The following CCNY variants were observed in gnomAD, a reference collection of about 807,000 sequenced individuals.
CCNY encodes cyclin Y.
Under a neutral mutation model 42.8 loss-of-function variants are expected in CCNY, and 19 were observed. The ratio of observed to expected loss-of-function variants is 0.44; its 90% CI spans 0.31 to 0.65. CCNY has a LOEUF of 0.65. Among genes scored for constraint, CCNY ranks in the 30% least tolerant of loss-of-function variants. CCNY has a pLI of 0.07. For synonymous variants in CCNY, 165 were observed against 162.7 expected (o/e 1.01, Z -0.11); for missense variants, 370 against 437.3 (o/e 0.85, Z 1.37).
At chr10:35,487,288 T>C (rs953210847) in intron 2 of CCNY, among the ~76,000 whole-genome samples, 2 of 152,222 alleles carry the variant, frequency 1.3e-5, no homozygotes, top group African/African-American at 4.8e-5. Context: ...ATTTCTCCTC[T>C]TTCCTTCATT....
chr10:35,360,117 G>T (rs1836649451), intron 1 of CCNY, among the ~76,000 whole-genome samples: 1 of 152,158 alleles, frequency 6.6e-6, no homozygotes, highest in Admixed American at 6.5e-5. Context: ...ATTCTTTTGG[G>T]TATGTACTCA....
At chr10:35,348,417 A>G (rs950738555) in intron 1 of CCNY, among the ~76,000 whole-genome samples, 5 of 152,192 alleles carry the variant, frequency 3.3e-5, no homozygotes, top group African/African-American at 9.7e-5. Flanking sequence ...CTTCTGAGGA[A>G]GATTGTTGGT....
chr10:35,439,534 CT>C (rs946605527), intron 1 of CCNY, among the ~76,000 whole-genome samples: 7 of 150,220 alleles, frequency 4.7e-5, no homozygotes, highest in African/African-American at 9.8e-5. Context: ...CTCTCTCTCT[CT>C]TTTTTTTTGT....
upstream of CCNY, among the ~76,000 whole-genome samples, chr10:35,334,504 G>A (rs1835986546): frequency 6.6e-6 from 1 of 151,552 alleles, no homozygotes; most frequent in Non-Finnish European, 1.5e-5. Context: ...ATATGCCCCA[G>A]TTTTCCCAGG....
At chr10:35,361,239 T>C (rs926878610) in intron 1 of CCNY, among the ~76,000 whole-genome samples, 1 of 152,232 alleles carries the variant, frequency 6.6e-6, no homozygotes, top group Middle Eastern at 3.2e-3. Flanking sequence ...TATATACCTG[T>C]GGATGTATAT....
chr10:35,565,969 C>A, intron 8 of CCNY, 54 bp from the exon 9 acceptor site: 1 of 1,556,842 alleles, frequency 6.4e-7, no homozygotes, highest in Non-Finnish European at 8.7e-7. Flanking sequence ...CTTGGCAGGC[C>A]ACGTGGCCTG....
intron 3 of CCNY, among the ~76,000 whole-genome samples, chr10:35,285,834 T>A (rs1428615819): frequency 3.3e-5 from 5 of 152,170 alleles, no homozygotes; most frequent in Non-Finnish European, 7.3e-5. Context: ...TTGTTTGAGA[T>A]GGAGTTTCAC....
chr10:35,306,591 T>G (rs1383275754), intron 3 of CCNY, among the ~76,000 whole-genome samples: 1 of 152,148 alleles, frequency 6.6e-6, no homozygotes, highest in African/African-American at 2.4e-5. Context: ...GAAGCAAGCA[T>G]CATGGCAGAA....
intron 7 of CCNY, among the ~76,000 whole-genome samples, chr10:35,552,726 T>A (rs1841285280): frequency 6.6e-6 from 1 of 152,208 alleles, no homozygotes; most frequent in Admixed American, 6.5e-5. Flanking sequence ...CATTAACATG[T>A]ATGGATATCA....
intron 3 of CCNY, among the ~76,000 whole-genome samples, chr10:35,508,404 G>A (rs1436225755): frequency 1.3e-5 from 2 of 152,154 alleles, no homozygotes; most frequent in Non-Finnish European, 2.9e-5. Flanking sequence ...CCATCCTTTC[G>A]TTTTGTTTTG....
chr10:35,292,817 T>A (rs1301180623), intron 3 of CCNY, among the ~76,000 whole-genome samples: 2 of 146,242 alleles, frequency 1.4e-5, no homozygotes, highest in African/African-American at 5.1e-5. Flanking sequence ...CGAAGTCTTG[T>A]TCTTGTCTGC....
chr10:35,547,693 C>T (rs1201677332), intron 7 of CCNY, among the ~76,000 whole-genome samples: 2 of 152,188 alleles, frequency 1.3e-5, no homozygotes, highest in Non-Finnish European at 2.9e-5. Flanking sequence ...CAAGAGCCTG[C>T]CGGAGCCCTG....
intron 2 of CCNY, among the ~76,000 whole-genome samples, chr10:35,248,513 G>A (rs1263827183): frequency 1.3e-5 from 2 of 152,104 alleles, no homozygotes; most frequent in East Asian, 1.9e-4. Flanking sequence ...GGGCATGGTC[G>A]TGCATGCCTG....
chr10:35,550,525 C>T (rs1295331770), intron 7 of CCNY, among the ~76,000 whole-genome samples: 1 of 152,096 alleles, frequency 6.6e-6, no homozygotes, highest in African/African-American at 2.4e-5. Context: ...CCTTCTCTCC[C>T]TGGCCTCCCT....
intron 1 of CCNY, among the ~76,000 whole-genome samples, chr10:35,441,002 A>G (rs973565610): frequency 6.6e-6 from 1 of 152,106 alleles, no homozygotes; most frequent in African/African-American, 2.4e-5. Context: ...GTTTTTCTCT[A>G]GAAGAGAGAG....
chr10:35,355,075 T>C (rs1170043356), intron 1 of CCNY, among the ~76,000 whole-genome samples: 1 of 152,150 alleles, frequency 6.6e-6, no homozygotes, highest in Non-Finnish European at 1.5e-5. Context: ...ACTAGTGGGA[T>C]GGCTCCCCCT....
At chr10:35,533,105 T>TG (rs1219754308) in intron 7 of CCNY, among the ~76,000 whole-genome samples, 1 of 152,200 alleles carries the variant, frequency 6.6e-6, no homozygotes, top group Non-Finnish European at 1.5e-5. Flanking sequence ...GGATGGGATG[T>TG]GGCAGGACAG....
Position 35,566,026 on chromosome 10 carries a change from C to T in CCNY, c.750C>T (p.Asn250=), listed in dbSNP as rs569850893. Residue 250 remains asparagine, a synonymous_variant, in exon 9 of 10, where the codon AAC becomes AAT. Coordinates refer to ENST00000374704, the MANE Select transcript of CCNY (RefSeq NM_145012.6). ...ILKDITVEDM[N]ELERQFLELL... ...TATTTTTGTCTTTGCTTTGCAGGAA[C>T]GAGCTAGAGCGACAGTTTCTTGAAT... is the stretch of plus-strand genomic sequence containing the variant. 109 of 1,612,238 alleles carry T rather than the reference C, an allele frequency of 6.8e-5. No individual in the cohort carries two copies. In the African/African-American group the frequency reaches 1.2e-3, roughly 18 times the overall value.
intron 7 of CCNY, among the ~76,000 whole-genome samples, chr10:35,532,561 C>T (rs888165827): frequency 2.6e-5 from 4 of 152,206 alleles, no homozygotes; most frequent in Admixed American, 2.6e-4. Flanking sequence ...TATTTTTTAG[C>T]CTCCTAGAAT....
Sources: gnomAD v4.1 joint callset for allele counts (sites outside exome capture counted in the v4.1 genomes callset) on GRCh38, gnomAD v4.1.1 for gene constraint, MANE v1.5 for transcripts, NCBI Gene and HGNC (gene_info 2026-07-23, HGNC 2026-07-21) for gene names.